ELP3: variants seen among roughly 807,000 people sequenced by gnomAD.
The protein encoded by ELP3 is elongator complex protein 3.
In ELP3, 56 loss-of-function variants were observed where a neutral mutation model predicts 74.9. The observed-to-expected ratio is 0.75, with a 90% confidence interval of 0.60 to 0.93. ELP3 has a LOEUF of 0.93. Among genes scored for constraint, ELP3 ranks in the 40% least tolerant of loss-of-function variants. The pLI, the probability that ELP3 is intolerant of heterozygous loss-of-function variation, is 0.00. For missense variants in ELP3, 573 were observed against 686.5 expected (o/e 0.83, Z 1.85); for synonymous variants, 222 against 239.8 (o/e 0.93, Z 0.68).
At chr8:28,119,574 A>T (rs1372655448) in intron 7 of ELP3, among the ~76,000 whole-genome samples, 45 of 214 alleles carry the variant, frequency 0.21, no homozygotes, top group East Asian at 0.5. Context: ...GTGGCGTTTT[A>T]TATATATATA....
chr8:28,113,049 G>A lies in ELP3; in HGVS notation c.493G>A (p.Val165Met). 1 of 1,613,762 alleles carries A rather than the reference G, an allele frequency of 6.2e-7. No individual in the cohort carries two copies. Among genetic ancestry groups the A allele is most frequent in the Non-Finnish European group, 8.5e-7 (1 of 1,179,832 alleles). The change falls in exon 7 of 15, where the codon GTG becomes ATG. Residue 165 changes from valine (V) to methionine (M), a missense_variant. Val to Met is a conservative substitution (Grantham distance 21). Transcript: ENST00000256398. The stretch of plus-strand genomic sequence containing the variant: ...ACAACTTGGTCATAGTGTGGATAAA[G>A]TGGAGTTTATTGTGATGGGTGGAAC... The part of the protein sequence containing the change: ...LKQLGHSVDK[V>M]EFIVMGGTFM...
In ELP3 at chr8:28,107,812, T is replaced by A. The variant is rs567662706; in HGVS notation, c.330-101T>A. 3.1e-4 allele frequency: 258 copies of A among 830,534 alleles called. 1 individual carries two copies. The South Asian group carries it at 3.8e-3, about 12-fold the overall frequency. The allele number at this position is 830,534 out of a possible 1,614,324, so 51.4% of individuals were successfully genotyped here. A position where few individuals can be genotyped will look rare whatever the true frequency, so the allele number is the denominator to read the frequency against. ...TTCTGTTAGGATTTGAAAAGGAAGC[T>A]CATTTGTTATCAGGATTCTTTGGAG... On this transcript the variant is annotated intron_variant, in intron 4 of 14. Transcript: ENST00000256398.
At chr8:28,166,851 A>T (rs1321234621) in intron 14 of ELP3, among the ~76,000 whole-genome samples, 1 of 152,228 alleles carries the variant, frequency 6.6e-6, no homozygotes, top group Non-Finnish European at 1.5e-5. Context: ...ATCAGATCCA[A>T]TCGTGTGACT....
intron 14 of ELP3, among the ~76,000 whole-genome samples, chr8:28,175,971 G>A: frequency 6.6e-6 from 1 of 151,622 alleles, no homozygotes; most frequent in African/African-American, 2.4e-5. Context: ...TGTGCCACCA[G>A]GCCTGGCTAA....
chr8:28,156,908 T>C (rs1054795519), intron 11 of ELP3, among the ~76,000 whole-genome samples: 7 of 152,296 alleles, frequency 4.6e-5, no homozygotes, highest in African/African-American at 1.7e-4. Context: ...GTGAATATTA[T>C]TGGCATATTC....
At chr8:28,170,635 C>T (rs1315377185) in intron 14 of ELP3, among the ~76,000 whole-genome samples, 1 of 152,124 alleles carries the variant, frequency 6.6e-6, no homozygotes, top group African/African-American at 2.4e-5. Flanking sequence ...CCCTCTGGAG[C>T]TTTCCTACCC....
intron 10 of ELP3, among the ~76,000 whole-genome samples, chr8:28,154,476 TTA>T (rs1300936476): frequency 6.6e-6 from 1 of 152,224 alleles, no homozygotes; most frequent in Non-Finnish European, 1.5e-5. Flanking sequence ...TATATATTTC[TTA>T]TATGTGTATA....
chr8:28,168,074 C>T (rs1814378253), intron 14 of ELP3, among the ~76,000 whole-genome samples: 1 of 152,210 alleles, frequency 6.6e-6, no homozygotes, highest in South Asian at 2.1e-4. Context: ...AATCTGTATT[C>T]CATGACTTGA....
At chr8:28,123,117 CCTT>C (rs1216392940) in intron 7 of ELP3, among the ~76,000 whole-genome samples, 10 of 152,176 alleles carry the variant, frequency 6.6e-5, no homozygotes, top group African/African-American at 2.4e-4. Context: ...GAGTGAGACT[CCTT>C]CTCAAAAAAA....
chr8:28,131,200 T>C lies in ELP3; in HGVS notation c.780-1078T>C, dbSNP rs371597979. ...GGAAGTCAAGGAGGCTTGGAGAGAA[T>C]GTGGGTTTCATTTGGCTACACTAAG... On this transcript the variant is annotated intron_variant, in intron 8 of 14. Transcript: ENST00000256398. Among the ~76,000 whole-genome samples the C allele has an allele frequency of 8.5e-5, 13 of 152,250 alleles. No individual in the cohort carries two copies. The East Asian group carries it at 1.5e-3, about 18-fold the overall frequency.
intron 10 of ELP3, among the ~76,000 whole-genome samples, chr8:28,153,089 G>T (rs1444255269): frequency 6.6e-6 from 1 of 152,142 alleles, no homozygotes; most frequent in Non-Finnish European, 1.5e-5. Flanking sequence ...TCTGACTATG[G>T]TGTTTTACCA....
chr8:28,128,516 G>A (rs761710046), intron 7 of ELP3, among the ~76,000 whole-genome samples: 2 of 152,102 alleles, frequency 1.3e-5, no homozygotes, highest in Non-Finnish European at 2.9e-5. Flanking sequence ...GAGAAGTCTG[G>A]GGTGGGTCCA....
intron 10 of ELP3, among the ~76,000 whole-genome samples, chr8:28,148,534 C>T (rs956972422): frequency 1.3e-5 from 2 of 152,196 alleles, no homozygotes; most frequent in African/African-American, 4.8e-5. Flanking sequence ...TAAAGACTTT[C>T]TAACTGGATA....
chr8:28,100,347 CTG>C (rs1811426661), intron 3 of ELP3, among the ~76,000 whole-genome samples: 1 of 152,192 alleles, frequency 6.6e-6, no homozygotes, highest in Non-Finnish European at 1.5e-5. Context: ...ATTATGAGCA[CTG>C]TGGAAGTCCA....
intron 7 of ELP3, among the ~76,000 whole-genome samples, chr8:28,116,597 G>A (rs1812146893): frequency 6.6e-6 from 1 of 152,132 alleles, no homozygotes; most frequent in African/African-American, 2.4e-5. Flanking sequence ...AAAATTAGCT[G>A]GGCATGGAGG....
chr8:28,186,706 C>T (rs1205605011), intron 14 of ELP3, among the ~76,000 whole-genome samples: 1 of 152,180 alleles, frequency 6.6e-6, no homozygotes, highest in Non-Finnish European at 1.5e-5. Context: ...TGGCATCACA[C>T]AGTGGTAGGG....
At chr8:28,127,635 C>T (rs1395594974) in intron 7 of ELP3, among the ~76,000 whole-genome samples, 8 of 152,098 alleles carry the variant, frequency 5.3e-5, no homozygotes, top group East Asian at 1.9e-4. Flanking sequence ...ACTGTTACTG[C>T]GTGCCTTAGT....
In ELP3 at chr8:28,147,128, CT is replaced by C. The variant is rs1353239686; in HGVS notation, c.1101-8809del. On this transcript the variant is annotated intron_variant, in intron 10 of 14. Coordinates refer to ENST00000256398, the MANE Select transcript of ELP3 (RefSeq NM_018091.6). The surrounding 1 kb of genome is among the most constrained non-coding windows in gnomAD (Gnocchi z 4.5). The stretch of plus-strand genomic sequence containing the variant: ...CAGATTCTGTAGCAGCCTCCTGGGT[CT>C]TTTTATCATACAGTTCTGCTTACCA... Among the ~76,000 whole-genome samples, 1 of 152,220 alleles carries C rather than the reference CT, an allele frequency of 6.6e-6. No individual in the cohort carries two copies. Among genetic ancestry groups the C allele is most frequent in the Non-Finnish European group, 1.5e-5 (1 of 68,044 alleles).
At chr8:28,116,887 T>G (rs1812160113) in intron 7 of ELP3, among the ~76,000 whole-genome samples, 1 of 152,132 alleles carries the variant, frequency 6.6e-6, no homozygotes, top group Non-Finnish European at 1.5e-5. Flanking sequence ...TTAGATAAAA[T>G]GTGATTGAGG....
Sources: gnomAD v4.1 joint callset for allele counts (sites outside exome capture counted in the v4.1 genomes callset) on GRCh38, gnomAD v4.1.1 for gene constraint, Gnocchi (gnomAD v3.1) non-coding constraint, MANE v1.5 for transcripts, NCBI Gene and HGNC (gene_info 2026-07-23, HGNC 2026-07-21) for gene names.